Variants in LRP1B observed in about 807,000 individuals in gnomAD.
LRP1B encodes the protein low-density lipoprotein receptor-related protein 1B.
A neutral mutation model predicts 556.6 loss-of-function variants in LRP1B; 217 were observed. That is an observed-to-expected ratio of 0.39 (90% CI 0.35 to 0.44). LRP1B has a LOEUF of 0.44. LRP1B is among the 20% of genes least tolerant of loss of function. The pLI is 1.00. For missense variants in LRP1B, 5,053 were observed against 5,620.8 expected (o/e 0.90, Z 3.23); for synonymous variants, 2,047 against 1,865.8 (o/e 1.10, Z -2.50).
At chr2:141,871,802 C>T (rs1211049868) in intron 1 of LRP1B, among the ~76,000 whole-genome samples, 1 of 151,978 alleles carries the variant, frequency 6.6e-6, no homozygotes, top group Non-Finnish European at 1.5e-5. Context: ...TCTCCACTCA[C>T]ACTTCAAAGT....
chr2:140,382,735 T>G (rs185534082), intron 67 of LRP1B, among the ~76,000 whole-genome samples: 41 of 152,310 alleles, frequency 2.7e-4, no homozygotes, highest in Non-Finnish European at 4.3e-4. Context: ...CCAACACAAT[T>G]TAAAAAGTAA....
chr2:140,796,681 G>T (rs76310275), intron 32 of LRP1B, among the ~76,000 whole-genome samples: 1 of 152,058 alleles, frequency 6.6e-6, no homozygotes, highest in East Asian at 1.9e-4. Context: ...TGAACTAAGT[G>T]ACATTGCTCA....
chr2:141,333,918 G>A (rs1687750622), intron 3 of LRP1B, among the ~76,000 whole-genome samples: 1 of 152,098 alleles, frequency 6.6e-6, no homozygotes, highest in African/African-American at 2.4e-5. Context: ...GTATGCAGGG[G>A]ATTAAAATGA....
Position 141,129,793 on chromosome 2 carries a change from G to T in LRP1B, c.1013+58628C>A, listed in dbSNP as rs557557318. ...GCAATATCCATTTAATAAACAAATA[G>T]AGTTAGAAAATTTACTATATGTAAA... On this transcript the variant is annotated intron_variant, in intron 7 of 90. Coordinates refer to ENST00000389484, the MANE Select transcript of LRP1B (RefSeq NM_018557.3). Among the ~76,000 whole-genome samples, 24 of 97,186 alleles carry T rather than the reference G, an allele frequency of 2.5e-4. 1 individual carries two copies. The South Asian group carries it at 4.6e-3, about 18-fold the overall frequency. The allele number at this position is 97,186 out of a possible 152,430, so 63.8% of individuals were successfully genotyped here.
At chr2:141,483,026 A>G (rs11895715) in intron 2 of LRP1B, among the ~76,000 whole-genome samples, 76,486 of 150,298 alleles carry the variant, frequency 0.51, 19,729 homozygotes, top group Non-Finnish European at 0.54. Flanking sequence ...GGCCCGTTAC[A>G]TATGTATACA....
At chr2:140,534,532 C>A (rs1339065113) in intron 46 of LRP1B, among the ~76,000 whole-genome samples, 2 of 152,078 alleles carry the variant, frequency 1.3e-5, no homozygotes, top group Non-Finnish European at 2.9e-5. Flanking sequence ...CATCTATCTG[C>A]AAGGATTTTA....
chr2:140,379,703 A>G (rs1281094944), intron 67 of LRP1B, among the ~76,000 whole-genome samples: 2 of 152,132 alleles, frequency 1.3e-5, no homozygotes, highest in Admixed American at 6.5e-5. Flanking sequence ...TCGGAAAAGA[A>G]AAAAAGAAAA....
intron 7 of LRP1B, among the ~76,000 whole-genome samples, chr2:141,115,452 G>GTTTTTTT (rs1364204085): frequency 8.8e-5 from 8 of 90,622 alleles, no homozygotes; most frequent in African/African-American, 2.7e-4. Flanking sequence ...ATAGGTTTTT[G>GTTTTTTT]TTTTTGTTTT....
intron 2 of LRP1B, 89 bp downstream of exon 2, chr2:141,810,190 A>G: frequency 8.5e-7 from 1 of 1,172,918 alleles, no homozygotes; most frequent in South Asian, 1.7e-5. Flanking sequence ...AGAAAGAATC[A>G]TCTAGAACAG....
intron 1 of LRP1B, among the ~76,000 whole-genome samples, chr2:142,081,655 T>C (rs1705721106): frequency 6.6e-6 from 1 of 152,186 alleles, no homozygotes; most frequent in South Asian, 2.1e-4. Flanking sequence ...TATGTATTTA[T>C]TATTTTAGGG....
intron 77 of LRP1B, among the ~76,000 whole-genome samples, chr2:140,346,338 C>G (rs1368815794): frequency 6.6e-6 from 1 of 151,536 alleles, no homozygotes; most frequent in Admixed American, 6.6e-5. Flanking sequence ...AACTAAAAAT[C>G]CATTATAGCA....
At chr2:141,382,341 G>GC (rs1285338545) in intron 3 of LRP1B, among the ~76,000 whole-genome samples, 7 of 152,178 alleles carry the variant, frequency 4.6e-5, no homozygotes, top group African/African-American at 7.2e-5. Context: ...CAGCCTCTGT[G>GC]CCACAGCAGA....
At chr2:142,093,538 T>C (rs1321960229) in intron 1 of LRP1B, among the ~76,000 whole-genome samples, 1 of 152,048 alleles carries the variant, frequency 6.6e-6, no homozygotes, top group Non-Finnish European at 1.5e-5. Flanking sequence ...CTCCTTATAG[T>C]CCACATCACA....
chr2:141,096,629 GGAGAGAGAGAGAGAGAGAGAGAGA>G (rs756327718), intron 7 of LRP1B, among the ~76,000 whole-genome samples: 8 of 59,742 alleles, frequency 1.3e-4, no homozygotes, highest in Admixed American at 4.3e-4. Context: ...GGGGAGAGGG[GGAGAGAGAGAGAGAGAGAGAGAGA>G]GAGAGAGAGA....
intron 2 of LRP1B, among the ~76,000 whole-genome samples, chr2:141,734,785 T>A (rs986723804): frequency 1.1e-4 from 16 of 152,102 alleles, no homozygotes; most frequent in Non-Finnish European, 2.9e-5. Flanking sequence ...AAACAGCAAA[T>A]GAAAGCATTT....
chr2:140,296,100 T>C (rs1007889825), intron 84 of LRP1B, among the ~76,000 whole-genome samples: 3 of 152,184 alleles, frequency 2.0e-5, no homozygotes, highest in Non-Finnish European at 4.4e-5. Context: ...GCATCTCTAA[T>C]TGGGAAGTCT....
In LRP1B at chr2:140,256,882, TC is replaced by T. The variant is rs913552782; in HGVS notation, c.13248-9721del. Among the ~76,000 whole-genome samples, 53 of 150,886 alleles carry T rather than the reference TC, an allele frequency of 3.5e-4. 1 individual carries two copies. The highest frequency in any genetic ancestry group is 1.3e-3 in the African/African-American group (51 of 40,300). ...TTTGTATCATCTGAGTTAGTTTAACTCGGCTGATAAATAATATTATGAATAT... is the reference window on the plus strand; with the variant it reads ...TTTGTATCATCTGAGTTAGTTTAACTGGCTGATAAATAATATTATGAATAT... On this transcript the variant is annotated intron_variant, in intron 86 of 90. Transcript: ENST00000389484.
chr2:140,582,622 G>A (rs1187839259), intron 43 of LRP1B, among the ~76,000 whole-genome samples: 2 of 152,130 alleles, frequency 1.3e-5, no homozygotes, highest in African/African-American at 2.4e-5. Context: ...AGGAAACCAT[G>A]TTCATTCCTT....
At chr2:141,971,654 G>A (rs1701735708) in intron 1 of LRP1B, among the ~76,000 whole-genome samples, 2 of 151,448 alleles carry the variant, frequency 1.3e-5, no homozygotes, top group African/African-American at 4.8e-5. Context: ...GAGCCCATAA[G>A]GCATCAGTGA....
Sources: allele counts gnomAD v4.1 joint callset (sites outside exome capture counted in the v4.1 genomes callset), GRCh38; gene constraint gnomAD v4.1.1; transcripts MANE v1.5; gene names NCBI Gene and HGNC (gene_info 2026-07-23, HGNC 2026-07-21).